The following TBL1X variants were observed in gnomAD, a reference collection of about 807,000 sequenced individuals.
TBL1X encodes F-box-like/WD repeat-containing protein TBL1X.
Under a neutral mutation model 50.7 loss-of-function variants are expected in TBL1X, and 10 were observed. That is an observed-to-expected ratio of 0.20 (90% CI 0.12 to 0.33). The LOEUF is 0.33. Among genes scored for constraint, TBL1X ranks in the 10% least tolerant of loss-of-function variants. The probability of loss-of-function intolerance (pLI) is 1.00; values close to 1 mark genes in which losing one functional copy is unlikely to be tolerated. For synonymous variants in TBL1X, 190 were observed against 214.7 expected (o/e 0.88, Z 1.01); for missense variants, 340 against 504.4 (o/e 0.67, Z 3.12).
At chrX:9,665,806 G>C (rs1468120318) in intron 5 of TBL1X, among the ~76,000 whole-genome samples, 1 of 107,688 alleles carries the variant, frequency 9.3e-6, no homozygotes, top group Non-Finnish European at 1.9e-5. Flanking sequence ...AAAATCTAAG[G>C]CTCTGTTCCG....
At chrX:9,711,341 CAAAAAA>C (rs35046287) in intron 15 of TBL1X, among the ~76,000 whole-genome samples, 1 of 76,417 alleles carries the variant, frequency 1.3e-5, no homozygotes, top group Non-Finnish European at 2.5e-5. Flanking sequence ...GACCCCATCT[CAAAAAA>C]AAAAAAAAAG....
chrX:9,681,595 G>A (rs1389719405), intron 5 of TBL1X, among the ~76,000 whole-genome samples: 2 of 112,324 alleles, frequency 1.8e-5, no homozygotes, highest in African/African-American at 6.5e-5. Flanking sequence ...AGTGCTGCTT[G>A]CGGGAATGAA....
chrX:9,564,244 A>C (rs2082337435), intron 2 of TBL1X, among the ~76,000 whole-genome samples: 1 of 111,284 alleles, frequency 9.0e-6, no homozygotes, highest in Non-Finnish European at 1.9e-5. Flanking sequence ...ACACGGTGAA[A>C]CCTCGTCTCT....
rs374971545 is a variant in TBL1X at position 9,711,746 on chromosome X, C to T, written c.1575C>T (p.Phe525=). The change falls in exon 16 of 18, where the codon TTC becomes TTT. Residue 525 remains phenylalanine (F), a synonymous_variant. Transcript: ENST00000645353. ...PDGKYLASGS[F]DKCVHIWNTQ... The stretch of plus-strand genomic sequence containing the variant: ...GGAAGTACTTGGCCAGTGGATCCTT[C>T]GACAAGTGCGTCCATATCTGGAATA... 7.2e-5 allele frequency: 87 copies of T among 1,202,602 alleles called. No individual in the cohort carries two copies. The highest frequency in any genetic ancestry group is 3.6e-4 in the East Asian group (12 of 33,389).
intron 2 of TBL1X, among the ~76,000 whole-genome samples, chrX:9,532,602 G>C (rs1226744023): frequency 9.0e-6 from 1 of 111,197 alleles, no homozygotes; most frequent in African/African-American, 3.3e-5. Flanking sequence ...CCGGGCGGCT[G>C]TAACAGCAGC....
intron 1 of TBL1X, among the ~76,000 whole-genome samples, chrX:9,482,997 C>T (rs185005846): frequency 3.2e-3 from 353 of 111,129 alleles, no homozygotes; most frequent in Admixed American, 5.1e-3. Context: ...ACCCCTCAGG[C>T]GGTTACAGTT....
At chrX:9,546,199 C>T (rs191821673) in intron 2 of TBL1X, among the ~76,000 whole-genome samples, 1 of 111,900 alleles carries the variant, frequency 8.9e-6, no homozygotes, top group East Asian at 2.8e-4. Context: ...CACTGATTAC[C>T]ATAAATTAAT....
chrX:9,678,812 G>A (rs2083008834), intron 5 of TBL1X, among the ~76,000 whole-genome samples: 1 of 112,088 alleles, frequency 8.9e-6, no homozygotes, highest in African/African-American at 3.2e-5. Context: ...TGGTTTAGCA[G>A]TGTCATAATT....
chrX:9,562,710 T>A (rs1027997689), intron 2 of TBL1X, among the ~76,000 whole-genome samples: 2 of 111,467 alleles, frequency 1.8e-5, no homozygotes, highest in African/African-American at 6.5e-5. Context: ...TCCTGAATAT[T>A]TATTTCTCAA....
chrX:9,599,142 C>G (rs1482220110), intron 2 of TBL1X, among the ~76,000 whole-genome samples: 2 of 109,904 alleles, frequency 1.8e-5, no homozygotes, highest in African/African-American at 6.6e-5. Context: ...CGGGGTTTCA[C>G]CGTGTTGGCC....
At chrX:9,525,489 T>C (rs1484864930) in intron 2 of TBL1X, among the ~76,000 whole-genome samples, 1 of 112,313 alleles carries the variant, frequency 8.9e-6, no homozygotes, top group Non-Finnish European at 1.9e-5. Context: ...TAAGATGTTA[T>C]TAGACCTTCC....
At chrX:9,643,511 T>C (rs1199464618) in intron 3 of TBL1X, among the ~76,000 whole-genome samples, 1 of 111,441 alleles carries the variant, frequency 9.0e-6, no homozygotes, top group Non-Finnish European at 1.9e-5. Flanking sequence ...TTTAGTTTTT[T>C]CCTTTTTTAA....
chrX:9,574,891 C>T (rs1293869719), intron 2 of TBL1X, among the ~76,000 whole-genome samples: 1 of 112,208 alleles, frequency 8.9e-6, no homozygotes, highest in Non-Finnish European at 1.9e-5. Context: ...TACCTTCAGA[C>T]TCCCTCCGAG....
chrX:9,599,433 A>G (rs182061578), intron 2 of TBL1X, among the ~76,000 whole-genome samples: 1 of 112,377 alleles, frequency 8.9e-6, no homozygotes, highest in Non-Finnish European at 1.9e-5. Context: ...TTCTGCTTTC[A>G]TTGCCGCCAG....
At chrX:9,538,067 C>G (rs756570359) in intron 2 of TBL1X, among the ~76,000 whole-genome samples, 6 of 112,352 alleles carry the variant, frequency 5.3e-5, no homozygotes, top group Non-Finnish European at 1.1e-4. Context: ...CCAGACTCAA[C>G]TGCACCAATG....
intron 2 of TBL1X, chrX:9,637,916 G>A (rs1473656388): frequency 8.9e-6 from 1 of 111,930 alleles, no homozygotes; most frequent in Non-Finnish European, 1.9e-5. Flanking sequence ...GTCTCTTAAT[G>A]AGGTGTGCTT....
chrX:9,471,604 C>T (rs1198464764), intron 1 of TBL1X, among the ~76,000 whole-genome samples: 1 of 111,856 alleles, frequency 8.9e-6, no homozygotes, highest in East Asian at 2.8e-4. Context: ...AAGTTAGTTG[C>T]GCATTTTAGT....
chrX:9,537,775 CAT>C (rs1472773996), intron 2 of TBL1X, among the ~76,000 whole-genome samples: 1 of 112,484 alleles, frequency 8.9e-6, no homozygotes, highest in Non-Finnish European at 1.9e-5. Context: ...TGAGCATTGG[CAT>C]ATGTTTACTT....
rs201552871 is a variant in TBL1X, at chrX:9,664,565, TG to T, written c.211+10248del. 7.9e-3 allele frequency among the ~76,000 whole-genome samples: 882 copies of T among 111,376 alleles called. 11 individuals are homozygous for T. Among genetic ancestry groups the T allele is most frequent in the African/African-American group, 0.024 (746 of 30,598 alleles). Reference sequence around the variant, plus strand: ...GTTTCTGGGTGGGCTGCATTTTTACTGGGGGAAAAAGTCGGTGCATGGCTTC... The same window carrying T: ...GTTTCTGGGTGGGCTGCATTTTTACTGGGGAAAAAGTCGGTGCATGGCTTC... On this transcript the variant is annotated intron_variant, in intron 5 of 17. Coordinates refer to ENST00000645353, the MANE Select transcript of TBL1X (RefSeq NM_005647.4).
Sources: gnomAD v4.1 joint callset for allele counts (sites outside exome capture counted in the v4.1 genomes callset) on GRCh38, gnomAD v4.1.1 for gene constraint, MANE v1.5 for transcripts, NCBI Gene and HGNC (gene_info 2026-07-23, HGNC 2026-07-21) for gene names.